Variants in PRKN observed in about 807,000 individuals in gnomAD.
The protein encoded by PRKN is parkin RBR E3 ubiquitin protein ligase.
Under a neutral mutation model 59.5 loss-of-function variants are expected in PRKN, and 56 were observed. The observed-to-expected ratio is 0.94, with a 90% CI of 0.76 to 1.18. PRKN has a LOEUF of 1.18. Ranked by LOEUF, PRKN falls within the 50% of genes most tolerant of loss-of-function variation. PRKN has a pLI of 0.00. For synonymous variants in PRKN, 250 were observed against 222.1 expected, an observed-to-expected ratio of 1.13 and a Z score of -1.12; for missense variants, 657 against 596.4, an observed-to-expected ratio of 1.10 and a Z score of -1.06.
intron 1 of PRKN, among the ~76,000 whole-genome samples, chr6:162,656,765 T>C (rs1778659477): frequency 6.6e-6 from 1 of 152,174 alleles, no homozygotes; most frequent in Non-Finnish European, 1.5e-5. Context: ...CACAGACCTT[T>C]ATCCTTAACA....
Position 161,488,956 on chromosome 6 carries a change from A to G in PRKN, c.1083+59898T>C, listed in dbSNP as rs1341701306. On this transcript the variant is annotated intron_variant, in intron 9 of 11. Coordinates refer to ENST00000366898, the MANE Select transcript of PRKN (RefSeq NM_004562.3). This position sits in a 1 kb window ranked among gnomAD's most constrained non-coding sequence, Gnocchi z 4.5. ...GGAGATGAAGAGGTCACGATTTACC[A>G]TTGGCTGATAACCTACTGTGATGAC... is the stretch of plus-strand genomic sequence containing the variant. Among the ~76,000 whole-genome samples, 1 of 152,204 alleles carries G rather than the reference A, an allele frequency of 6.6e-6. No individual in the cohort carries two copies. Among genetic ancestry groups the G allele is most frequent in the African/African-American group, 2.4e-5 (1 of 41,456 alleles).
At chr6:162,223,659 AC>A (rs1199837664) in intron 3 of PRKN, among the ~76,000 whole-genome samples, 1 of 68,048 alleles carries the variant, frequency 1.5e-5, no homozygotes, top group Non-Finnish European at 2.4e-5. Flanking sequence ...ACACACACAC[AC>A]AAACATAATG....
At chr6:162,610,519 T>C (rs1196138773) in intron 1 of PRKN, among the ~76,000 whole-genome samples, 1 of 152,200 alleles carries the variant, frequency 6.6e-6, no homozygotes, top group Non-Finnish European at 1.5e-5. Flanking sequence ...CGTTAAACTA[T>C]AAAACCATTT....
At chr6:162,186,990 C>T (rs944146809) in intron 4 of PRKN, among the ~76,000 whole-genome samples, 2 of 152,124 alleles carry the variant, frequency 1.3e-5, no homozygotes, top group South Asian at 2.1e-4. Context: ...AGGTCTGACC[C>T]GAGTCCCACT....
chr6:162,109,778 CTTT>C (rs1258003259), intron 4 of PRKN, among the ~76,000 whole-genome samples: 1 of 152,170 alleles, frequency 6.6e-6, no homozygotes, highest in Non-Finnish European at 1.5e-5. Flanking sequence ...ACAAAGATTG[CTTT>C]TTATTTCATT....
chr6:162,674,082 T>C (rs953527318), intron 1 of PRKN, among the ~76,000 whole-genome samples: 1 of 152,230 alleles, frequency 6.6e-6, no homozygotes, highest in African/African-American at 2.4e-5. Flanking sequence ...CAGAACACAT[T>C]AAGAGCTCAA....
chr6:162,184,763 T>C (rs906362166), intron 4 of PRKN, among the ~76,000 whole-genome samples: 10 of 152,206 alleles, frequency 6.6e-5, no homozygotes, highest in African/African-American at 2.4e-4. Flanking sequence ...AAGTTAAAGA[T>C]GCACATTTCA....
chr6:161,550,454 T>C lies in PRKN; in HGVS notation c.934-1451A>G, dbSNP rs1220267596. On this transcript the variant is annotated intron_variant, in intron 8 of 11. Transcript: ENST00000366898. The surrounding 1 kb of genome is among the most constrained non-coding windows in gnomAD (Gnocchi z 4.0). ...TGTAGGCAGGAAGCAGAGAAGCTTATGTCAACATCTATGACGTAAGCTAGG... is the reference window on the plus strand; with the variant it reads ...TGTAGGCAGGAAGCAGAGAAGCTTACGTCAACATCTATGACGTAAGCTAGG... Among the ~76,000 whole-genome samples, 1 of 151,212 alleles carries C rather than the reference T, an allele frequency of 6.6e-6. No individual in the cohort carries two copies. The highest frequency in any genetic ancestry group is 1.5e-5 in the Non-Finnish European group (1 of 67,964).
chr6:162,494,075 A>G (rs568529826), intron 1 of PRKN, among the ~76,000 whole-genome samples: 28 of 152,272 alleles, frequency 1.8e-4, no homozygotes, highest in African/African-American at 6.5e-4. Context: ...GAGATGCTGC[A>G]ATGTGCCACT....
At chr6:161,842,534 G>T (rs995206900) in intron 6 of PRKN, among the ~76,000 whole-genome samples, 2 of 150,934 alleles carry the variant, frequency 1.3e-5, no homozygotes, top group African/African-American at 4.9e-5. Context: ...CTTGAATCTG[G>T]CCCACTGAGG....
chr6:161,845,472 A>G (rs1793164107), intron 6 of PRKN, among the ~76,000 whole-genome samples: 1 of 152,318 alleles, frequency 6.6e-6, no homozygotes, highest in South Asian at 2.1e-4. Context: ...CAAGAACAGT[A>G]TTGGAGGCAG....
intron 7 of PRKN, among the ~76,000 whole-genome samples, chr6:161,667,154 C>G (rs1165388027): frequency 2.0e-5 from 3 of 152,212 alleles, no homozygotes; most frequent in Non-Finnish European, 4.4e-5. Context: ...AAACCCAACT[C>G]AATCCACCAT....
rs187253198 is a variant in PRKN at position 161,808,871 on chromosome 6, C to G, written c.735-22963G>C. 2.7e-3 allele frequency among the ~76,000 whole-genome samples: 415 copies of G among 152,298 alleles called. 1 individual carries two copies. The highest frequency in any genetic ancestry group is 0.01 in the Middle Eastern group (3 of 294). Reference sequence around the variant, plus strand: ...TTGTTTTGTTTTTCAGACAGGGTCTCACTCTGTTGCTGAGGCTGGAGCGCG... The same window carrying G: ...TTGTTTTGTTTTTCAGACAGGGTCTGACTCTGTTGCTGAGGCTGGAGCGCG... On this transcript the variant is annotated intron_variant, in intron 6 of 11. Transcript: ENST00000366898.
chr6:161,438,215 A>ATTTTT (rs34955373), intron 9 of PRKN, among the ~76,000 whole-genome samples: 17 of 112,436 alleles, frequency 1.5e-4, no homozygotes, highest in African/African-American at 4.3e-4. Flanking sequence ...AATTCTGTTA[A>ATTTTT]TTTTTTTTTT....
intron 7 of PRKN, among the ~76,000 whole-genome samples, chr6:161,691,038 CT>C (rs1159960448): frequency 7.1e-6 from 1 of 141,484 alleles, no homozygotes; most frequent in Non-Finnish European, 1.5e-5. Context: ...TCCTCCTTTC[CT>C]TTCCATCCAT....
intron 6 of PRKN, among the ~76,000 whole-genome samples, chr6:161,821,733 T>C (rs1173525909): frequency 1.0e-4 from 1 of 9,624 alleles, no homozygotes; most frequent in East Asian, 1.5e-3. Context: ...TTTTTTTTTT[T>C]TTTTTTTTTT....
rs1789149898 is a variant in PRKN, at chr6:161,440,389, C to T, written c.1084-53512G>A. Among the ~76,000 whole-genome samples, 2 of 152,176 alleles carry T rather than the reference C, an allele frequency of 1.3e-5. No individual in the cohort carries two copies. The highest frequency in any genetic ancestry group is 2.9e-5 in the Non-Finnish European group (2 of 68,030). On this transcript the variant is annotated intron_variant, in intron 9 of 11. Coordinates refer to ENST00000366898, the MANE Select transcript of PRKN (RefSeq NM_004562.3). The surrounding 1 kb of genome is among the most constrained non-coding windows in gnomAD (Gnocchi z 4.1). ...GCCAGAGACTCTGCTAAACATCCTA[C>T]AATGCAAAGAACAGTCCCCCTGACA...
rs1023057421 is a variant in PRKN, at chr6:161,940,057, C to T, written c.734+33245G>A. ...AGATTAAGTCATGTGCCACCATGCC[C>T]GGCTAATTTTGCATTTTTAGTAGAG... On this transcript the variant is annotated intron_variant, in intron 6 of 11. Transcript: ENST00000366898. Among the ~76,000 whole-genome samples the T allele has an allele frequency of 2.6e-5, 4 of 152,016 alleles. No individual in the cohort carries two copies. In the East Asian group the frequency reaches 5.8e-4, roughly 22 times the overall value.
chr6:161,874,233 A>AAT lies in PRKN; in HGVS notation c.735-88327_735-88326dup, dbSNP rs1491581157. On this transcript the variant is annotated intron_variant, in intron 6 of 11. Coordinates refer to ENST00000366898, the MANE Select transcript of PRKN (RefSeq NM_004562.3). ...GTAAAATATAATATATATTATATAT[A>AAT]ATATATAATATATAATATATATTAT... Among the ~76,000 whole-genome samples, 3 of 18,128 alleles carry AAT rather than the reference A, an allele frequency of 1.7e-4. 1 individual carries two copies. In the Admixed American group the frequency reaches 4.2e-3, roughly 25 times the overall value. 11.9% of individuals were successfully genotyped at this position (18,128 alleles called of 152,430 possible).
Sources: gnomAD v4.1 joint callset for allele counts (sites outside exome capture counted in the v4.1 genomes callset) on GRCh38, gnomAD v4.1.1 for gene constraint, Gnocchi (gnomAD v3.1) non-coding constraint, MANE v1.5 for transcripts, NCBI Gene and HGNC (gene_info 2026-07-23, HGNC 2026-07-21) for gene names.